Variants in PACRG observed in about 807,000 individuals in gnomAD.
PACRG encodes the protein parkin coregulated, also known as parkin coregulated gene protein.
A neutral mutation model predicts 29.7 loss-of-function variants in PACRG; 29 were observed. The observed-to-expected ratio is 0.98, with a 90% confidence interval of 0.73 to 1.33. PACRG has a LOEUF of 1.33. Among genes scored for constraint, PACRG ranks in the 40% most tolerant of loss-of-function variants. PACRG has a pLI of 0.00. For missense variants in PACRG, 279 were observed against 316.2 expected (o/e 0.88, Z 0.89); for synonymous variants, 116 against 118.7 (o/e 0.98, Z 0.15).
At chr6:163,226,632 C>T (rs1781813312) in intron 4 of PACRG, among the ~76,000 whole-genome samples, 1 of 152,136 alleles carries the variant, frequency 6.6e-6, no homozygotes, top group Admixed American at 6.5e-5. Context: ...ATTAGCCAGC[C>T]CATGCAGGCT....
intron 2 of PACRG, among the ~76,000 whole-genome samples, chr6:162,908,759 A>T (rs1275783423): frequency 1.3e-5 from 2 of 152,198 alleles, no homozygotes; most frequent in African/African-American, 4.8e-5. Flanking sequence ...GATTAGCCAG[A>T]ATCAGGGGCC....
intron 2 of PACRG, among the ~76,000 whole-genome samples, chr6:162,859,430 G>A (rs988419621): frequency 2.0e-5 from 3 of 152,094 alleles, no homozygotes; most frequent in African/African-American, 7.2e-5. Flanking sequence ...AATTAGCAGG[G>A]CTAGAAATTC....
chr6:163,094,144 C>T (rs1814360378), intron 4 of PACRG, among the ~76,000 whole-genome samples: 1 of 152,142 alleles, frequency 6.6e-6, no homozygotes, highest in African/African-American at 2.4e-5. Flanking sequence ...AATGGATTAC[C>T]AAACAACAAC....
chr6:162,995,046 G>T (rs1359095084), intron 2 of PACRG, among the ~76,000 whole-genome samples: 1 of 151,298 alleles, frequency 6.6e-6, no homozygotes, highest in Non-Finnish European at 1.5e-5. Context: ...TCCCAGTTAG[G>T]CTGCTCAGGG....
intron 4 of PACRG, among the ~76,000 whole-genome samples, chr6:163,115,030 C>A (rs1311373747): frequency 6.6e-6 from 1 of 152,122 alleles, no homozygotes; most frequent in African/African-American, 2.4e-5. Context: ...AAAGAGGAAG[C>A]TTCTTTAAAG....
chr6:163,003,531 A>C (rs764357948), intron 2 of PACRG, among the ~76,000 whole-genome samples: 3 of 152,166 alleles, frequency 2.0e-5, no homozygotes, highest in Non-Finnish European at 2.9e-5. Context: ...AACATTTCCA[A>C]CTCAAACTTC....
intron 4 of PACRG, among the ~76,000 whole-genome samples, chr6:163,268,899 C>T (rs1397291664): frequency 1.3e-5 from 2 of 152,190 alleles, no homozygotes; most frequent in Non-Finnish European, 2.9e-5. Flanking sequence ...AAATGATGTG[C>T]TTCCGACTTC....
chr6:162,848,168 C>G (rs1483359126), intron 2 of PACRG, among the ~76,000 whole-genome samples: 2 of 152,154 alleles, frequency 1.3e-5, no homozygotes, highest in Non-Finnish European at 2.9e-5. Flanking sequence ...GGATGGAGCC[C>G]AAGAGGGGCC....
chr6:162,864,113 CAATAA>C (rs1792098033), intron 2 of PACRG, among the ~76,000 whole-genome samples: 1 of 152,072 alleles, frequency 6.6e-6, no homozygotes, highest in Admixed American at 6.6e-5. Flanking sequence ...TCTCACCGTC[CAATAA>C]TTATCTTTTT....
rs555288373 is a variant in PACRG, at chr6:162,761,829, C to T, written c.156+33438C>T. Among the ~76,000 whole-genome samples, 15 of 151,138 alleles carry T rather than the reference C, an allele frequency of 9.9e-5. No individual in the cohort carries two copies. In the South Asian group the frequency reaches 2.5e-3, roughly 25 times the overall value. On this transcript the variant is annotated intron_variant, in intron 1 of 4. Coordinates refer to ENST00000366888, the MANE Select transcript of PACRG (RefSeq NM_001080379.2). ...GTTCACGCCTGTAATCCCAGCTTCT[C>T]GAGAGGCTGGGGCAGGAGAATTGCT...
At chr6:163,270,006 AGGAGGGAGGGAGGGAGGGAG>A (rs140292182) in intron 4 of PACRG, among the ~76,000 whole-genome samples, 1 of 84,182 alleles carries the variant, frequency 1.2e-5, no homozygotes, top group Non-Finnish European at 2.4e-5. Context: ...AAAGAAAGAA[AGGAGGGAGGGAGGGAGGGAG>A]GAAGGAAGGA....
At chr6:163,010,320 G>T (rs766008378) in intron 2 of PACRG, among the ~76,000 whole-genome samples, 3 of 152,088 alleles carry the variant, frequency 2.0e-5, no homozygotes, top group Non-Finnish European at 4.4e-5. Flanking sequence ...ATTTTGTATC[G>T]CATTCCCTCA....
chr6:163,225,678 T>C (rs1417783709), intron 4 of PACRG, among the ~76,000 whole-genome samples: 3 of 152,206 alleles, frequency 2.0e-5, no homozygotes, highest in South Asian at 2.1e-4. Flanking sequence ...AAAATAGAGA[T>C]ACTGTGTAAT....
chr6:162,798,001 A>G (rs1310722398), intron 1 of PACRG, among the ~76,000 whole-genome samples: 1 of 152,184 alleles, frequency 6.6e-6, no homozygotes, highest in Non-Finnish European at 1.5e-5. Context: ...CATAGTGTTT[A>G]ACTCTGTATG....
intron 4 of PACRG, among the ~76,000 whole-genome samples, chr6:163,221,438 A>G (rs1020888175): frequency 6.6e-6 from 1 of 152,110 alleles, no homozygotes; most frequent in African/African-American, 2.4e-5. Flanking sequence ...CCTCACTGTG[A>G]CTCTGTGAAA....
chr6:163,277,649 A>G (rs1362740335), intron 4 of PACRG, among the ~76,000 whole-genome samples: 2 of 146,644 alleles, frequency 1.4e-5, no homozygotes, highest in Non-Finnish European at 3.0e-5. Flanking sequence ...ATATATATGT[A>G]TATGTGTGTG....
intron 1 of PACRG, among the ~76,000 whole-genome samples, chr6:162,776,999 G>C (rs185708191): frequency 1.3e-5 from 2 of 152,020 alleles, no homozygotes; most frequent in South Asian, 2.1e-4. Context: ...TCAGGTGCTG[G>C]GTGCACCTGA....
At chr6:162,815,157 T>C (rs1183575771) in intron 2 of PACRG, among the ~76,000 whole-genome samples, 1 of 152,130 alleles carries the variant, frequency 6.6e-6, no homozygotes, top group East Asian at 1.9e-4. Context: ...GAGTATCACA[T>C]CAGGTTAAGG....
At chr6:163,143,762 G>C (rs1777654738) in intron 4 of PACRG, among the ~76,000 whole-genome samples, 1 of 148,740 alleles carries the variant, frequency 6.7e-6, no homozygotes, top group South Asian at 2.2e-4. Context: ...GAGGCAGAGA[G>C]AAGAATCCAC....
Sources: gnomAD v4.1 joint callset for allele counts (sites outside exome capture counted in the v4.1 genomes callset) on GRCh38, gnomAD v4.1.1 for gene constraint, MANE v1.5 for transcripts, NCBI Gene and HGNC (gene_info 2026-07-23, HGNC 2026-07-21) for gene names.